The following TBC1D22A variants were observed in gnomAD, a reference collection of about 807,000 sequenced individuals.
The protein encoded by TBC1D22A is putative GTPase activator.
TBC1D22A carries 38 observed loss-of-function variants against 60.2 expected under a neutral mutation model. That is an observed-to-expected ratio of 0.63 (90% CI 0.49 to 0.83). TBC1D22A has a LOEUF of 0.83. Among genes scored for constraint, TBC1D22A ranks in the 40% least tolerant of loss-of-function variants. The pLI is 0.00. For missense variants in TBC1D22A, 628 were observed against 701.0 expected (o/e 0.90, Z 1.18); for synonymous variants, 302 against 281.7 (o/e 1.07, Z -0.72).
chr22:46,983,468 C>T (rs1248258137), intron 9 of TBC1D22A, among the ~76,000 whole-genome samples: 1 of 152,130 alleles, frequency 6.6e-6, no homozygotes, highest in Non-Finnish European at 1.5e-5. Flanking sequence ...CTTTATTTTT[C>T]ACTTTCTTTC....
intron 10 of TBC1D22A, among the ~76,000 whole-genome samples, chr22:47,010,305 G>A (rs549142814): frequency 7.2e-5 from 11 of 152,206 alleles, no homozygotes; most frequent in African/African-American, 2.7e-4. Context: ...CAGCAGCGCA[G>A]CCAGGCCGGG....
chr22:46,841,329 G>A (rs185099133), intron 4 of TBC1D22A, among the ~76,000 whole-genome samples: 12 of 152,250 alleles, frequency 7.9e-5, no homozygotes, highest in Admixed American at 3.9e-4. Context: ...CCTTTTGGCC[G>A]TTCCGCCATG....
intron 1 of TBC1D22A, among the ~76,000 whole-genome samples, chr22:46,784,771 G>A (rs2084088367): frequency 6.6e-6 from 1 of 152,236 alleles, no homozygotes; most frequent in Non-Finnish European, 1.5e-5. Context: ...TATACAGAGA[G>A]ATTGATAATA....
At chr22:46,857,056 G>A (rs1181038269) in intron 4 of TBC1D22A, among the ~76,000 whole-genome samples, 1 of 152,276 alleles carries the variant, frequency 6.6e-6, no homozygotes, top group Non-Finnish European at 1.5e-5. Context: ...TCTCCCATGT[G>A]TGGGGTGCCC....
chr22:47,136,824 C>T (rs931186623), intron 12 of TBC1D22A, among the ~76,000 whole-genome samples: 1 of 152,160 alleles, frequency 6.6e-6, no homozygotes, highest in South Asian at 2.1e-4. Flanking sequence ...CATCAGGACC[C>T]CTCTTGCACC....
intron 7 of TBC1D22A, among the ~76,000 whole-genome samples, chr22:46,906,332 A>T (rs6009046): frequency 0.31 from 47,550 of 151,936 alleles, 8,340 homozygotes; most frequent in East Asian, 0.62. Context: ...CCCAGAATAA[A>T]TGTTGGGGAG....
chr22:46,908,435 G>A (rs182709886), intron 7 of TBC1D22A, among the ~76,000 whole-genome samples: 56 of 152,274 alleles, frequency 3.7e-4, no homozygotes, highest in African/African-American at 1.3e-3. Context: ...ACTTTTCACC[G>A]TTGCAGCCTG....
chr22:47,064,070 G>A (rs550950133), intron 11 of TBC1D22A, among the ~76,000 whole-genome samples: 9 of 152,064 alleles, frequency 5.9e-5, no homozygotes, highest in Non-Finnish European at 1.0e-4. Context: ...TCCAGATGCC[G>A]TTTTCCAGGG....
intron 12 of TBC1D22A, among the ~76,000 whole-genome samples, chr22:47,159,013 CAT>C (rs1389839094): frequency 1.5e-5 from 2 of 133,330 alleles, no homozygotes; most frequent in African/African-American, 6.9e-5. Flanking sequence ...AACACCTCAC[CAT>C]ATATACACAC....
chr22:47,063,391 C>T (rs932264389), intron 11 of TBC1D22A, among the ~76,000 whole-genome samples: 1 of 152,104 alleles, frequency 6.6e-6, no homozygotes, highest in Non-Finnish European at 1.5e-5. Flanking sequence ...GGCCCGGCCT[C>T]GTCCTGGAGC....
chr22:46,844,688 G>A (rs907874028), intron 4 of TBC1D22A, among the ~76,000 whole-genome samples: 4 of 152,220 alleles, frequency 2.6e-5, no homozygotes, highest in African/African-American at 4.8e-5. Context: ...TGGGTCCCCC[G>A]TGGGGTCTGG....
At chr22:46,961,154 G>A (rs1353817250) in intron 8 of TBC1D22A, among the ~76,000 whole-genome samples, 1 of 151,936 alleles carries the variant, frequency 6.6e-6, no homozygotes, top group East Asian at 1.9e-4. Context: ...TTTTATCCTA[G>A]GCAGCTTTCA....
rs186855881 is a variant in TBC1D22A, at chr22:47,080,813, C to A, written c.1330-30695C>A. 2.3e-4 allele frequency among the ~76,000 whole-genome samples: 35 copies of A among 151,968 alleles called. No homozygotes were observed. In the East Asian group the frequency reaches 2.7e-3, roughly 12 times the overall value. On this transcript the variant is annotated intron_variant, in intron 11 of 12. Coordinates refer to ENST00000337137, the MANE Select transcript of TBC1D22A (RefSeq NM_014346.5). ...AAGCAATGGAGGAGATCAACAAAAT[C>A]AAAAAATCAGTAACATTGAAACATC...
intron 11 of TBC1D22A, among the ~76,000 whole-genome samples, chr22:47,108,459 T>G (rs2065721006): frequency 6.6e-6 from 1 of 152,236 alleles, no homozygotes; most frequent in Non-Finnish European, 1.5e-5. Flanking sequence ...CAAATGTGTA[T>G]TATATGATTC....
chr22:46,973,724 GT>G (rs2074172806), intron 8 of TBC1D22A, among the ~76,000 whole-genome samples: 1 of 152,130 alleles, frequency 6.6e-6, no homozygotes, highest in South Asian at 2.1e-4. Flanking sequence ...TTTAGATTGT[GT>G]TTTCTCATTC....
chr22:47,059,632 T>G (rs2063504948), intron 11 of TBC1D22A, among the ~76,000 whole-genome samples: 2 of 152,176 alleles, frequency 1.3e-5, no homozygotes, highest in South Asian at 4.1e-4. Context: ...AAAGGCAGTT[T>G]TTTAAGCTCC....
At chr22:47,024,183 C>A (rs2062177423) in intron 10 of TBC1D22A, among the ~76,000 whole-genome samples, 1 of 152,140 alleles carries the variant, frequency 6.6e-6, no homozygotes, top group Non-Finnish European at 1.5e-5. Context: ...TACCATCACC[C>A]TTACAGTCAC....
Position 46,952,320 on chromosome 22 carries a change from C to T in TBC1D22A, c.1016-21970C>T, listed in dbSNP as rs900529635. The stretch of plus-strand genomic sequence containing the variant: ...TGCCGCTTGTCCTCCTCTGCCTGGG[C>T]TGTTGGTTCTCTCGAGCTTTCTTCT... On this transcript the variant is annotated intron_variant, in intron 8 of 12. Transcript: ENST00000337137. 8.3e-5 allele frequency among the ~76,000 whole-genome samples: 9 copies of T among 109,004 alleles called. No homozygotes were observed. The Admixed American group carries it at 8.7e-4, about 10-fold the overall frequency. The allele number at this position is 109,004 out of a possible 152,430, so 71.5% of individuals were successfully genotyped here.
chr22:46,852,329 A>G (rs1016517813), intron 4 of TBC1D22A, among the ~76,000 whole-genome samples: 1 of 152,166 alleles, frequency 6.6e-6, no homozygotes, highest in African/African-American at 2.4e-5. Context: ...CCTCTTCCAG[A>G]ACCCCAGGGT....
Sources: allele counts gnomAD v4.1 joint callset (sites outside exome capture counted in the v4.1 genomes callset), GRCh38; gene constraint gnomAD v4.1.1; transcripts MANE v1.5; gene names NCBI Gene and HGNC (gene_info 2026-07-23, HGNC 2026-07-21).